Variants in CADPS observed in about 807,000 individuals in gnomAD.
CADPS encodes calcium dependent secretion activator.
Under a neutral mutation model 167.3 loss-of-function variants are expected in CADPS, and 57 were observed. That is an observed-to-expected ratio of 0.34 (90% CI 0.28 to 0.42). CADPS has a LOEUF of 0.42. CADPS is among the 20% of genes least tolerant of loss of function. The probability of loss-of-function intolerance (pLI) is 1.00; values close to 1 mark genes in which losing one functional copy is unlikely to be tolerated. For missense variants in CADPS, 1,414 were observed against 1,738.1 expected (o/e 0.81, Z 3.32); for synonymous variants, 676 against 635.3 (o/e 1.06, Z -0.96).
At chr3:62,857,103 A>C (rs2079860141) in intron 1 of CADPS, among the ~76,000 whole-genome samples, 1 of 152,138 alleles carries the variant, frequency 6.6e-6, no homozygotes, top group South Asian at 2.1e-4. Flanking sequence ...TGACAATGTT[A>C]ATACCACTAA....
intron 3 of CADPS, among the ~76,000 whole-genome samples, chr3:62,741,102 G>T (rs543713652): frequency 6.6e-6 from 1 of 152,080 alleles, no homozygotes; most frequent in Non-Finnish European, 1.5e-5. Flanking sequence ...CATTAGAAAG[G>T]AACTTTCTTA....
At chr3:62,749,118 T>C (rs1258255231) in intron 3 of CADPS, among the ~76,000 whole-genome samples, 2 of 152,218 alleles carry the variant, frequency 1.3e-5, no homozygotes, top group Non-Finnish European at 2.9e-5. Flanking sequence ...ACTTTGGATA[T>C]TATGTTGAGT....
chr3:62,716,147 C>T (rs2084550441), intron 3 of CADPS, among the ~76,000 whole-genome samples: 2 of 152,118 alleles, frequency 1.3e-5, no homozygotes, highest in Admixed American at 1.3e-4. Context: ...GCAACCTTTG[C>T]CTCTTGGGTT....
chr3:62,671,346 G>T (rs761329950), intron 3 of CADPS, among the ~76,000 whole-genome samples: 10 of 151,966 alleles, frequency 6.6e-5, no homozygotes, highest in Admixed American at 1.3e-4. Flanking sequence ...CAATTCACCT[G>T]CACTATCCTG....
At chr3:62,644,766 A>G (rs2068164891) in intron 6 of CADPS, among the ~76,000 whole-genome samples, 2 of 152,200 alleles carry the variant, frequency 1.3e-5, no homozygotes, top group South Asian at 4.1e-4. Context: ...CTTTAATAAT[A>G]TTAGTTCAAA....
At chr3:62,721,737 C>T (rs1345661550) in intron 3 of CADPS, among the ~76,000 whole-genome samples, 1 of 152,084 alleles carries the variant, frequency 6.6e-6, no homozygotes, top group Admixed American at 6.5e-5. Flanking sequence ...AGGCACTATG[C>T]TAAAGGCTTT....
intron 17 of CADPS, chr3:62,500,291 G>A (rs940515649): frequency 6.6e-6 from 1 of 152,294 alleles, no homozygotes; most frequent in Non-Finnish European, 1.5e-5. Context: ...GAGTAGCTGG[G>A]ATTACAGGCA....
rs561519092 is a variant in CADPS, at chr3:62,536,398, A to G, written c.2103+47T>C. On this transcript the variant is annotated intron_variant, in intron 12 of 29. Coordinates refer to ENST00000383710, the MANE Select transcript of CADPS (RefSeq NM_003716.4). ...TAAAGGTAGAGAAATATTTAAATGA[A>G]AAAAAATGTTATGTTTAAATTGCTG... The G allele has an allele frequency of 1.1e-5, 17 of 1,544,600 alleles. No homozygotes were observed. In the South Asian group the frequency reaches 2.0e-4, roughly 18 times the overall value.
At chr3:62,645,422 T>C (rs2068330701) in intron 6 of CADPS, among the ~76,000 whole-genome samples, 1 of 152,204 alleles carries the variant, frequency 6.6e-6, no homozygotes, top group South Asian at 2.1e-4. Flanking sequence ...TATATCAAAC[T>C]TTCCTGCACA....
chr3:62,768,855 C>T (rs2087690404), intron 1 of CADPS, among the ~76,000 whole-genome samples: 1 of 152,148 alleles, frequency 6.6e-6, no homozygotes, highest in South Asian at 2.1e-4. Context: ...AGAGAACACA[C>T]ACCGCAAAGC....
chr3:62,462,070 G>T (rs1193397547), intron 26 of CADPS, among the ~76,000 whole-genome samples: 1 of 152,096 alleles, frequency 6.6e-6, no homozygotes, highest in Admixed American at 6.5e-5. Context: ...CCCTCTTCTT[G>T]GCCTCCTAAA....
At chr3:62,529,706 A>G (rs1382554782) in intron 13 of CADPS, among the ~76,000 whole-genome samples, 1 of 152,200 alleles carries the variant, frequency 6.6e-6, no homozygotes, top group Non-Finnish European at 1.5e-5. Flanking sequence ...CACATTCTCT[A>G]GAAAGCAAAA....
At chr3:62,491,768 A>C (rs1016899228) in intron 20 of CADPS, among the ~76,000 whole-genome samples, 3 of 151,630 alleles carry the variant, frequency 2.0e-5, no homozygotes, top group Admixed American at 2.0e-4. Context: ...AACAATCCAC[A>C]CTATTTTTTT....
chr3:62,726,604 A>G (rs2076793546), intron 3 of CADPS, among the ~76,000 whole-genome samples: 1 of 151,922 alleles, frequency 6.6e-6, no homozygotes. Context: ...AATTACAGGA[A>G]TCCAAGATTG....
At chr3:62,528,268 G>A (rs992353778) in intron 13 of CADPS, among the ~76,000 whole-genome samples, 1 of 152,178 alleles carries the variant, frequency 6.6e-6, no homozygotes, top group African/African-American at 2.4e-5. Flanking sequence ...ATCAGGCTCA[G>A]ACAGTTATTT....
chr3:62,638,945 G>T (rs1162596771), intron 6 of CADPS, among the ~76,000 whole-genome samples: 2 of 152,164 alleles, frequency 1.3e-5, no homozygotes, highest in African/African-American at 2.4e-5. Flanking sequence ...GCTTGGAGAA[G>T]AATTAGGAGC....
chr3:62,784,933 T>TC (rs1372661851), intron 1 of CADPS, among the ~76,000 whole-genome samples: 2 of 152,186 alleles, frequency 1.3e-5, no homozygotes, highest in Non-Finnish European at 2.9e-5. Flanking sequence ...TTGAGGATAT[T>TC]AAAGAGTTAC....
chr3:62,467,736 C>T (rs76463707), intron 24 of CADPS, among the ~76,000 whole-genome samples: 2,883 of 152,140 alleles, frequency 0.019, 46 homozygotes, highest in Non-Finnish European at 0.032. Context: ...GGAACAAAGC[C>T]AACCCTGTAT....
intron 17 of CADPS, among the ~76,000 whole-genome samples, chr3:62,511,506 A>G (rs2151552343): frequency 6.6e-6 from 1 of 152,278 alleles, no homozygotes; most frequent in Non-Finnish European, 1.5e-5. Flanking sequence ...TATGCTTAGA[A>G]TCATACCTGG....
Sources: gnomAD v4.1 joint callset for allele counts (sites outside exome capture counted in the v4.1 genomes callset) on GRCh38, gnomAD v4.1.1 for gene constraint, MANE v1.5 for transcripts, NCBI Gene and HGNC (gene_info 2026-07-23, HGNC 2026-07-21) for gene names.